The following JAKMIP3 variants were observed in gnomAD, a reference collection of about 807,000 sequenced individuals.
JAKMIP3 encodes janus kinase and microtubule-interacting protein 3.
In JAKMIP3, 58 loss-of-function variants were observed where a neutral mutation model predicts 118.5. The observed-to-expected ratio is 0.49, with a 90% CI of 0.40 to 0.61. JAKMIP3 has a LOEUF of 0.61. Ranked by LOEUF, JAKMIP3 falls within the 20% of genes least tolerant of loss-of-function variation. The probability of loss-of-function intolerance (pLI) is 0.00; values close to 1 mark genes in which losing one functional copy is unlikely to be tolerated. For synonymous variants in JAKMIP3, 486 were observed against 451.2 expected (o/e 1.08, Z -0.98); for missense variants, 950 against 1,109.0 (o/e 0.86, Z 2.04).
At chr10:132,056,635 T>C (rs7896579) in intron 1 of JAKMIP3, among the ~76,000 whole-genome samples, 84,456 of 151,984 alleles carry the variant, frequency 0.56, 23,856 homozygotes, top group East Asian at 0.73. Context: ...GCGAGGCAGA[T>C]CATGCCTGTC....
chr10:132,063,283 A>C (rs1377957310), upstream of JAKMIP3, among the ~76,000 whole-genome samples: 2 of 152,142 alleles, frequency 1.3e-5, no homozygotes, highest in Admixed American at 6.5e-5. Context: ...CCTGTGACAC[A>C]AGTGAGGCCT....
chr10:132,170,846 C>T (rs1003545345), intron 23 of JAKMIP3, among the ~76,000 whole-genome samples: 1 of 152,232 alleles, frequency 6.6e-6, no homozygotes, highest in Non-Finnish European at 1.5e-5. Context: ...CAGAAGACTT[C>T]TCAGCCAGTC....
At chr10:132,170,457 C>T (rs919264473) in intron 23 of JAKMIP3, among the ~76,000 whole-genome samples, 3 of 152,166 alleles carry the variant, frequency 2.0e-5, no homozygotes, top group African/African-American at 4.8e-5. Context: ...CCATGCTAAG[C>T]CCCGAGCAGG....
intron 3 of JAKMIP3, among the ~76,000 whole-genome samples, chr10:132,120,320 G>T (rs1308348871): frequency 6.6e-6 from 1 of 152,170 alleles, no homozygotes; most frequent in Non-Finnish European, 1.5e-5. Flanking sequence ...TGCGGGGGAG[G>T]GATTGGCTGG....
chr10:132,174,042 G>T (rs907754544), intron 23 of JAKMIP3, among the ~76,000 whole-genome samples: 1 of 151,852 alleles, frequency 6.6e-6, no homozygotes, highest in Non-Finnish European at 1.5e-5. Context: ...GTGGTGTGTG[G>T]TGTGCCTGTG....
chr10:132,114,982 A>G (rs1012745625), intron 2 of JAKMIP3, among the ~76,000 whole-genome samples: 2 of 152,196 alleles, frequency 1.3e-5, no homozygotes, highest in Admixed American at 1.3e-4. Context: ...CATTCAACCA[A>G]TGTAATGAAT....
intron 8 of JAKMIP3, 45 bp from the exon 9 acceptor site, chr10:132,138,074 G>T: frequency 6.4e-7 from 1 of 1,570,658 alleles, no homozygotes. Context: ...GAAACCGGTG[G>T]AGCTGCTCTA....
Position 132,055,823 on chromosome 10 carries a change from A to C in JAKMIP3, c.-138+19085A>C, listed in dbSNP as rs147662646. 3.0e-4 allele frequency among the ~76,000 whole-genome samples: 46 copies of C among 152,344 alleles called. 3 individuals are homozygous for C. In the East Asian group the frequency reaches 8.9e-3, roughly 29 times the overall value. On this transcript the variant is annotated intron_variant, in intron 1 of 23. Coordinates refer to the JAKMIP3 transcript ENST00000657785. ...GTGCCATCAGGCGACCTGGAGGTGCAGAGAGCCCAGTAATTAGCCTTCTCC... is the reference window on the plus strand; with the variant it reads ...GTGCCATCAGGCGACCTGGAGGTGCCGAGAGCCCAGTAATTAGCCTTCTCC...
At chr10:132,176,662 C>A (rs766521357) in intron 23 of JAKMIP3, among the ~76,000 whole-genome samples, 16 of 152,138 alleles carry the variant, frequency 1.1e-4, no homozygotes, top group Non-Finnish European at 2.4e-4. Context: ...TGTTTGAAAT[C>A]TTTGTTAACG....
intron 1 of JAKMIP3, among the ~76,000 whole-genome samples, chr10:132,048,949 C>T (rs965371206): frequency 6.6e-6 from 1 of 152,084 alleles, no homozygotes; most frequent in Non-Finnish European, 1.5e-5. Flanking sequence ...CTGGGCTTGA[C>T]TGTTTCTAAA....
chr10:132,131,899 C>G (rs2050710916), intron 3 of JAKMIP3, among the ~76,000 whole-genome samples: 1 of 152,152 alleles, frequency 6.6e-6, no homozygotes, highest in Non-Finnish European at 1.5e-5. Flanking sequence ...CCTGCACAGG[C>G]ATGGGAAGCC....
intron 3 of JAKMIP3, among the ~76,000 whole-genome samples, chr10:132,124,442 A>G (rs2049130008): frequency 6.8e-6 from 1 of 147,518 alleles, no homozygotes; most frequent in South Asian, 2.1e-4. Flanking sequence ...ACCCTGGCAC[A>G]TCACCGCCGA....
intron 1 of JAKMIP3, among the ~76,000 whole-genome samples, chr10:132,045,046 A>C (rs780925829): frequency 7.2e-5 from 11 of 152,220 alleles, no homozygotes; most frequent in Non-Finnish European, 1.0e-4. Flanking sequence ...TGCTGCTATG[A>C]ACAGGGATGT....
intron 2 of JAKMIP3, 25 bp downstream of exon 2, chr10:132,104,968 C>A (rs1564902990): frequency 1.3e-6 from 2 of 1,570,762 alleles, no homozygotes; most frequent in East Asian, 2.4e-5. Flanking sequence ...GACCTCCACC[C>A]TTGAATGTCC....
At chr10:132,038,676 C>T (rs537980839) in intron 1 of JAKMIP3, among the ~76,000 whole-genome samples, 1 of 151,818 alleles carries the variant, frequency 6.6e-6, no homozygotes, top group Admixed American at 6.6e-5. Flanking sequence ...CCTGTAATCC[C>T]AGCTCCTCGG....
rs977367290 is a variant in JAKMIP3, at chr10:132,163,281, C to T, written c.2293C>T (p.Leu765=). Residue 765 remains leucine (L), a synonymous_variant, in exon 20 of 24, where the codon CTG becomes TTG. Coordinates refer to ENST00000684848, the MANE Select transcript of JAKMIP3 (RefSeq NM_001323087.2). ...GGCCGGGGCTAAGGTGGCTGAGCTGCTGTCAGAGGAGGAGCGCGAGAAGCT... is the reference window on the plus strand; with the variant it reads ...GGCCGGGGCTAAGGTGGCTGAGCTGTTGTCAGAGGAGGAGCGCGAGAAGCT... ...QEAGAKVAEL[L]SEEEREKLKV... 1.3e-6 allele frequency: 2 copies of T among 1,598,004 alleles called. No homozygotes were observed. Among genetic ancestry groups the T allele is most frequent in the Admixed American group, 1.7e-5 (1 of 57,766 alleles).
intron 3 of JAKMIP3, among the ~76,000 whole-genome samples, chr10:132,124,917 G>A (rs566927199): frequency 2.0e-5 from 3 of 152,316 alleles, no homozygotes; most frequent in South Asian, 2.1e-4. Flanking sequence ...GAGGCTGGCC[G>A]TTCCACTGCC....
At chr10:132,050,724 C>T (rs377164530) in intron 1 of JAKMIP3, among the ~76,000 whole-genome samples, 4 of 152,198 alleles carry the variant, frequency 2.6e-5, no homozygotes, top group Non-Finnish European at 4.4e-5. Flanking sequence ...TTGTGGAGAA[C>T]CTTCTAGGGG....
At chr10:132,046,068 A>C (rs909099922) in intron 1 of JAKMIP3, among the ~76,000 whole-genome samples, 2 of 152,184 alleles carry the variant, frequency 1.3e-5, no homozygotes, top group Non-Finnish European at 2.9e-5. Context: ...GATATTACAG[A>C]ACATAGCCAT....
Sources: allele counts gnomAD v4.1 joint callset (sites outside exome capture counted in the v4.1 genomes callset), GRCh38; gene constraint gnomAD v4.1.1; transcripts MANE v1.5; gene names NCBI Gene and HGNC (gene_info 2026-07-23, HGNC 2026-07-21).